TCF4: variants seen among roughly 807,000 people sequenced by gnomAD.
TCF4 encodes SL3-3 enhancer factor 2.
TCF4 carries 3 observed loss-of-function variants against 82.1 expected under a neutral mutation model. The ratio of observed to expected loss-of-function variants is 0.04; its 90% CI spans 0.02 to 0.09. The LOEUF is 0.09. TCF4 is among the 10% of genes least tolerant of loss of function. TCF4 has a pLI of 1.00. For synonymous variants in TCF4, 276 were observed against 309.6 expected, an observed-to-expected ratio of 0.89 and a Z score of 1.14; for missense variants, 518 against 852.7, an observed-to-expected ratio of 0.61 and a Z score of 4.89.
intron 16 of TCF4, chr18:55,234,341 A>T: frequency 1.5e-6 from 1 of 665,320 alleles, no homozygotes; most frequent in Non-Finnish European, 2.5e-6. Flanking sequence ...AGGATTTCAG[A>T]GGATGTTTGA....
At chr18:55,584,204 T>C (rs2097608531) in intron 3 of TCF4, among the ~76,000 whole-genome samples, 2 of 152,162 alleles carry the variant, frequency 1.3e-5, no homozygotes, top group African/African-American at 4.8e-5. Flanking sequence ...ACAAACTTCT[T>C]TCATTGCTAT....
chr18:55,447,624 T>C (rs1283751112), intron 5 of TCF4, among the ~76,000 whole-genome samples: 1 of 152,218 alleles, frequency 6.6e-6, no homozygotes, highest in Non-Finnish European at 1.5e-5. Flanking sequence ...ATGGAATTTA[T>C]ATAAATGGCT....
At chr18:55,523,418 T>C (rs753683700) in intron 3 of TCF4, among the ~76,000 whole-genome samples, 2 of 151,912 alleles carry the variant, frequency 1.3e-5, no homozygotes, top group Admixed American at 6.6e-5. Context: ...GCAGGTCTTA[T>C]CAGTTTTTTA....
chr18:55,281,412 T>C (rs984357353), intron 8 of TCF4, among the ~76,000 whole-genome samples: 1 of 152,030 alleles, frequency 6.6e-6, no homozygotes. Context: ...GACGGAATGA[T>C]TGTAGTGTGA....
intron 2 of TCF4, among the ~76,000 whole-genome samples, chr18:55,600,642 C>T (rs370277648): frequency 8.8e-4 from 134 of 152,294 alleles, no homozygotes; most frequent in African/African-American, 3.2e-3. Flanking sequence ...CTCATGTACT[C>T]CTAGGCCACA....
chr18:55,602,770 C>T (rs577028052), intron 2 of TCF4, among the ~76,000 whole-genome samples: 4 of 152,104 alleles, frequency 2.6e-5, no homozygotes, highest in Admixed American at 2.0e-4. Context: ...AAATTTATCA[C>T]CCTTTGTAGT....
At chr18:55,451,496 C>G (rs1251018370) in intron 5 of TCF4, among the ~76,000 whole-genome samples, 1 of 152,164 alleles carries the variant, frequency 6.6e-6, no homozygotes, top group Non-Finnish European at 1.5e-5. Flanking sequence ...ATCCACTGTC[C>G]CATGACACCC....
chr18:55,270,838 A>C (rs1224335270), intron 10 of TCF4, among the ~76,000 whole-genome samples: 1 of 152,140 alleles, frequency 6.6e-6, no homozygotes, highest in Non-Finnish European at 1.5e-5. Context: ...ATTTACAAAA[A>C]AGTGCTGAGC....
chr18:55,605,910 G>A (rs2097701789), intron 2 of TCF4, among the ~76,000 whole-genome samples: 1 of 152,196 alleles, frequency 6.6e-6, no homozygotes, highest in Admixed American at 6.5e-5. Context: ...CCCAAAAAGT[G>A]GTTCTCAGAC....
intron 2 of TCF4, among the ~76,000 whole-genome samples, chr18:55,620,541 C>A (rs2097716705): frequency 6.6e-6 from 1 of 152,116 alleles, no homozygotes; most frequent in Admixed American, 6.5e-5. Context: ...TTGCTAAATA[C>A]CTTTTGGTCT....
At chr18:55,433,435 C>T (rs1261713617) in intron 5 of TCF4, among the ~76,000 whole-genome samples, 1 of 152,222 alleles carries the variant, frequency 6.6e-6, no homozygotes, top group Admixed American at 6.5e-5. Flanking sequence ...ATAAACATTA[C>T]AGACACTGTT....
intron 5 of TCF4, among the ~76,000 whole-genome samples, chr18:55,418,282 G>A (rs1368458896): frequency 1.3e-5 from 2 of 151,962 alleles, no homozygotes; most frequent in African/African-American, 4.8e-5. Context: ...TTGCGTCAAT[G>A]AGCCTGTATA....
Position 55,612,821 on chromosome 18 carries a change from G to A in TCF4, c.286+18477C>T, listed in dbSNP as rs570041866. On this transcript the variant is annotated intron_variant, in intron 2 of 20. Coordinates refer to the TCF4 transcript ENST00000398339. Reference sequence around the variant, plus strand: ...AAATTACTTGGGCGTGGTGGTGCGTGCCTGTAATCCCAGCTACTAGGGAGG... The same window carrying A: ...AAATTACTTGGGCGTGGTGGTGCGTACCTGTAATCCCAGCTACTAGGGAGG... Among the ~76,000 whole-genome samples, 8 of 152,154 alleles carry A rather than the reference G, an allele frequency of 5.3e-5. No individual in the cohort carries two copies. The South Asian group carries it at 1.5e-3, about 28-fold the overall frequency.
chr18:55,564,104 G>A (rs2097379642), intron 3 of TCF4, among the ~76,000 whole-genome samples: 1 of 152,202 alleles, frequency 6.6e-6, no homozygotes, highest in Non-Finnish European at 1.5e-5. Flanking sequence ...CATTTCAGAT[G>A]AGCTCTGAAT....
chr18:55,594,185 A>T (rs2097688527), intron 2 of TCF4, among the ~76,000 whole-genome samples: 1 of 152,058 alleles, frequency 6.6e-6, no homozygotes, highest in Non-Finnish European at 1.5e-5. Flanking sequence ...CACAAGGCTA[A>T]CTCCCTGTCA....
intron 8 of TCF4, among the ~76,000 whole-genome samples, chr18:55,309,372 T>C (rs1399929674): frequency 6.6e-6 from 1 of 152,056 alleles, no homozygotes; most frequent in Admixed American, 6.6e-5. Flanking sequence ...TCCTCCCGCT[T>C]CAGCTTCCCA....
At chr18:55,250,849 G>A (rs1276158885) in intron 15 of TCF4, among the ~76,000 whole-genome samples, 1 of 152,170 alleles carries the variant, frequency 6.6e-6, no homozygotes, top group Non-Finnish European at 1.5e-5. Flanking sequence ...ACAGCTATGC[G>A]GAGCTGGTTA....
intron 8 of TCF4, among the ~76,000 whole-genome samples, chr18:55,307,900 G>A (rs887817165): frequency 6.6e-6 from 1 of 152,240 alleles, no homozygotes; most frequent in African/African-American, 2.4e-5. Flanking sequence ...ACCTGTTAAA[G>A]TAGCACAGGT....
rs146854468 is a variant in TCF4 at position 55,254,376 on chromosome 18, G to T, written c.1350+121C>A. Reference sequence around the variant, plus strand: ...ATTGTACACCTGAAATGGGCTCATCGTATGTTAAGTGAATTATATCTCAAT... The same window carrying T: ...ATTGTACACCTGAAATGGGCTCATCTTATGTTAAGTGAATTATATCTCAAT... On this transcript the variant is annotated intron_variant, in intron 15 of 19. Coordinates refer to ENST00000354452, the MANE Select transcript of TCF4 (RefSeq NM_001083962.2). 4.3e-6 allele frequency: 4 copies of T among 925,640 alleles called. No homozygotes were observed. The Admixed American group carries it at 8.1e-5, about 19-fold the overall frequency. 57.3% of individuals were successfully genotyped at this position (925,640 alleles called of 1,614,324 possible). A position where few individuals can be genotyped will look rare whatever the true frequency, so the allele number is the denominator to read the frequency against.
Sources: gnomAD v4.1 joint callset for allele counts (sites outside exome capture counted in the v4.1 genomes callset) on GRCh38, gnomAD v4.1.1 for gene constraint, MANE v1.5 for transcripts, NCBI Gene and HGNC (gene_info 2026-07-23, HGNC 2026-07-21) for gene names.